The following DAP variants were observed in gnomAD, a reference collection of about 807,000 sequenced individuals.
The protein encoded by DAP is death-associated protein 1.
A neutral mutation model predicts 13.8 loss-of-function variants in DAP; 8 were observed. That is an observed-to-expected ratio of 0.58 (90% CI 0.34 to 1.05). The LOEUF is 1.05. Ranked by LOEUF, DAP falls within the 50% of genes least tolerant of loss-of-function variation. The pLI is 0.03. For missense variants in DAP, 106 were observed against 133.2 expected, an observed-to-expected ratio of 0.80 and a Z score of 1.01; for synonymous variants, 47 against 47.5, an observed-to-expected ratio of 0.99 and a Z score of 0.04.
intron 2 of DAP, among the ~76,000 whole-genome samples, chr5:10,732,706 C>G (rs1240882862): frequency 6.6e-6 from 1 of 152,176 alleles, no homozygotes; most frequent in Admixed American, 6.5e-5. Flanking sequence ...ATTGCCAGGT[C>G]ACATGGAAAT....
chr5:10,761,096 G>C lies in DAP; in HGVS notation c.-28C>G, dbSNP rs930062702. On this transcript the variant is annotated 5_prime_UTR_variant, in exon 1 of 4. Coordinates refer to ENST00000230895, the MANE Select transcript of DAP (RefSeq NM_004394.3). Reference sequence around the variant, plus strand: ...CGCGGCGGGGCTTCCGCGGGGCCGAGGCGGCGGCGCGGTTCTCGGGCCGGG... The same window carrying C: ...CGCGGCGGGGCTTCCGCGGGGCCGACGCGGCGGCGCGGTTCTCGGGCCGGG... The C allele has an allele frequency of 1.7e-6, 2 of 1,192,548 alleles. No homozygotes were observed. Among genetic ancestry groups the C allele is most frequent in the African/African-American group, 3.2e-5 (2 of 62,678 alleles). The allele number at this position is 1,192,548 out of a possible 1,614,324, so 73.9% of individuals were successfully genotyped here.
rs1738714557 is a variant in DAP at position 10,707,055 on chromosome 5, A to C, written c.153-23484T>G. 6.6e-6 allele frequency among the ~76,000 whole-genome samples: 1 copy of C among 152,188 alleles called. No individual in the cohort carries two copies. The highest frequency in any genetic ancestry group is 2.4e-5 in the African/African-American group (1 of 41,434). On this transcript the variant is annotated intron_variant, in intron 2 of 3. Coordinates refer to ENST00000230895, the MANE Select transcript of DAP (RefSeq NM_004394.3). The surrounding 1 kb of genome is among the most constrained non-coding windows in gnomAD (Gnocchi z 4.0). Reference sequence around the variant, plus strand: ...GGAGAAGTCAGAGGGGACTGGCCTTAAAAAAAGCCATGGGTCTGTCCCCAA... The same window carrying C: ...GGAGAAGTCAGAGGGGACTGGCCTTCAAAAAAGCCATGGGTCTGTCCCCAA...
intron 2 of DAP, among the ~76,000 whole-genome samples, chr5:10,741,336 G>C (rs1739749202): frequency 6.6e-6 from 1 of 152,342 alleles, no homozygotes; most frequent in Admixed American, 6.5e-5. Context: ...CTGGGTGGCA[G>C]AGTGAGACCC....
chr5:10,717,751 C>T (rs988676106), intron 2 of DAP, among the ~76,000 whole-genome samples: 24 of 152,282 alleles, frequency 1.6e-4, no homozygotes, highest in East Asian at 1.3e-3. Flanking sequence ...GGTGCAGCTA[C>T]GACAATGAAC....
intron 1 of DAP, among the ~76,000 whole-genome samples, 172 bp downstream of exon 1, chr5:10,760,842 C>T (rs1224779320): frequency 6.6e-6 from 1 of 151,790 alleles, no homozygotes; most frequent in Non-Finnish European, 1.5e-5. Flanking sequence ...GGGCTCCTCC[C>T]GGGCCTGGGC....
At chr5:10,743,888 A>G (rs969132461) in intron 2 of DAP, among the ~76,000 whole-genome samples, 6 of 152,212 alleles carry the variant, frequency 3.9e-5, no homozygotes, top group African/African-American at 1.4e-4. Context: ...GCATTTTCAC[A>G]TTTTGGCTAT....
At chr5:10,703,627 T>C (rs1223582581) in intron 2 of DAP, among the ~76,000 whole-genome samples, 1 of 152,272 alleles carries the variant, frequency 6.6e-6, no homozygotes, top group South Asian at 2.1e-4. Flanking sequence ...TATTAAGAAG[T>C]TGCTATAAAT....
chr5:10,748,227 C>T lies in DAP; in HGVS notation c.100G>A (p.Gly34Arg). ...MRIVQKHPHT[G>R]DTKEEKDKDD... ...TTGTCTTTCTCTTCTTTGGTGTCTCCTGTATGTGGGTGTTTCTGCACAATT... is the reference window on the plus strand; with the variant it reads ...TTGTCTTTCTCTTCTTTGGTGTCTCTTGTATGTGGGTGTTTCTGCACAATT... Residue 34 changes from glycine to arginine, a missense_variant, in exon 2 of 4, where the codon GGA (glycine) becomes AGA (arginine). By Grantham distance (125) the Gly-to-Arg change is moderately radical. Coordinates refer to ENST00000230895, the MANE Select transcript of DAP (RefSeq NM_004394.3). The T allele has an allele frequency of 3.7e-6, 6 of 1,614,088 alleles. No individual in the cohort carries two copies. The highest frequency in any genetic ancestry group is 5.1e-6 in the Non-Finnish European group (6 of 1,179,976).
At chr5:10,748,970 C>A (rs1739978336) in intron 1 of DAP, among the ~76,000 whole-genome samples, 1 of 152,188 alleles carries the variant, frequency 6.6e-6, no homozygotes, top group Non-Finnish European at 1.5e-5. Context: ...ACCCCACAGC[C>A]ATGAACAGTT....
At chr5:10,752,701 T>C (rs185878402) in intron 1 of DAP, among the ~76,000 whole-genome samples, 27 of 152,316 alleles carry the variant, frequency 1.8e-4, no homozygotes, top group Admixed American at 3.3e-4. Context: ...CATACGTATG[T>C]GCTTGTGTGT....
chr5:10,693,575 G>A (rs6891527), intron 2 of DAP, among the ~76,000 whole-genome samples: 27,306 of 152,134 alleles, frequency 0.18, 3,235 homozygotes, highest in East Asian at 0.48. Flanking sequence ...TTCACAGATT[G>A]GAATGGTAAA....
At chr5:10,731,230 T>TG (rs72488706) in intron 2 of DAP, among the ~76,000 whole-genome samples, 2 of 104,846 alleles carry the variant, frequency 1.9e-5, no homozygotes, top group East Asian at 3.1e-4. Context: ...AGAGCCCTAG[T>TG]GGGGGGGAAT....
chr5:10,724,742 A>C (rs5745217), intron 2 of DAP, among the ~76,000 whole-genome samples: 1 of 152,160 alleles, frequency 6.6e-6, no homozygotes, highest in African/African-American at 2.4e-5. Flanking sequence ...GCTGCAGAGG[A>C]AACATTCCTC....
At chr5:10,690,242 G>A (rs777254162) in intron 2 of DAP, among the ~76,000 whole-genome samples, 27 of 152,320 alleles carry the variant, frequency 1.8e-4, no homozygotes, top group Admixed American at 3.9e-4. Flanking sequence ...CAAGGCAAAC[G>A]TTCTTCCTAA....
At chr5:10,715,908 A>T (rs1328200618) in intron 2 of DAP, among the ~76,000 whole-genome samples, 2 of 152,242 alleles carry the variant, frequency 1.3e-5, no homozygotes, top group Admixed American at 1.3e-4. Flanking sequence ...ATTGGACCTG[A>T]CAGGAAACCT....
At chr5:10,711,123 T>C (rs781287804) in intron 2 of DAP, among the ~76,000 whole-genome samples, 3 of 151,968 alleles carry the variant, frequency 2.0e-5, no homozygotes, top group Non-Finnish European at 2.9e-5. Flanking sequence ...AATATGGCCA[T>C]GGGGTCCACA....
intron 1 of DAP, among the ~76,000 whole-genome samples, chr5:10,759,279 T>G (rs1020492709): frequency 6.6e-6 from 1 of 152,212 alleles, no homozygotes; most frequent in Admixed American, 6.5e-5. Flanking sequence ...TACGCTTTAA[T>G]GTAACCCATG....
chr5:10,725,876 C>T (rs901702066), intron 2 of DAP, among the ~76,000 whole-genome samples: 1 of 152,164 alleles, frequency 6.6e-6, no homozygotes, highest in Non-Finnish European at 1.5e-5. Flanking sequence ...TACCTGACCA[C>T]AAAAGAGAGT....
chr5:10,686,818 G>C (rs985807910), intron 2 of DAP, among the ~76,000 whole-genome samples: 1 of 152,198 alleles, frequency 6.6e-6, no homozygotes, highest in Non-Finnish European at 1.5e-5. Flanking sequence ...GATGAAAGTG[G>C]CCACACTAAA....
Sources: allele counts gnomAD v4.1 joint callset (sites outside exome capture counted in the v4.1 genomes callset), GRCh38; gene constraint gnomAD v4.1.1; non-coding constraint Gnocchi (gnomAD v3.1); transcripts MANE v1.5; gene names NCBI Gene and HGNC (gene_info 2026-07-23, HGNC 2026-07-21).